NTRK3: variants seen among roughly 807,000 people sequenced by gnomAD.
NTRK3 encodes neurotrophic receptor tyrosine kinase 3, also known as NT-3 growth factor receptor.
Under a neutral mutation model 91.7 loss-of-function variants are expected in NTRK3, and 24 were observed. The ratio of observed to expected loss-of-function variants is 0.26; its 90% CI spans 0.19 to 0.37. The LOEUF is 0.37. Ranked by LOEUF, NTRK3 falls within the 10% of genes least tolerant of loss-of-function variation. The pLI, the probability that NTRK3 is intolerant of heterozygous loss-of-function variation, is 1.00. For missense variants in NTRK3, 880 were observed against 1,068.9 expected (o/e 0.82, Z 2.46); for synonymous variants, 483 against 404.0 (o/e 1.20, Z -2.34).
At chr15:87,899,096 A>G (rs2066302369) in intron 17 of NTRK3, among the ~76,000 whole-genome samples, 1 of 152,212 alleles carries the variant, frequency 6.6e-6, no homozygotes, top group South Asian at 2.1e-4. Context: ...AAGAGTTGTA[A>G]TGGTGTCAGT....
At chr15:88,184,610 T>C (rs140403990) in intron 3 of NTRK3, among the ~76,000 whole-genome samples, 200 of 152,368 alleles carry the variant, frequency 1.3e-3, no homozygotes, top group African/African-American at 4.7e-3. Flanking sequence ...TCCCTGCTTG[T>C]CTTCCTAACT....
At chr15:87,977,993 C>T (rs868021981) in intron 14 of NTRK3, 3 of 233,486 alleles carry the variant, frequency 1.3e-5, no homozygotes, top group Middle Eastern at 1.3e-3. Context: ...AAGCCCCCCA[C>T]AGGATGCTCC....
At chr15:87,887,678 CA>C (rs1302648498) in intron 17 of NTRK3, among the ~76,000 whole-genome samples, 1 of 152,162 alleles carries the variant, frequency 6.6e-6, no homozygotes, top group African/African-American at 2.4e-5. Flanking sequence ...AGGTAGTGGT[CA>C]AAGCCTTCCC....
intron 3 of NTRK3, among the ~76,000 whole-genome samples, chr15:88,215,364 GC>G (rs1278838611): frequency 6.6e-6 from 1 of 152,214 alleles, no homozygotes; most frequent in African/African-American, 2.4e-5. Flanking sequence ...GCCCCACCTG[GC>G]CCCAATAACT....
At chr15:88,108,891 C>A (rs984146716) in intron 13 of NTRK3, among the ~76,000 whole-genome samples, 4 of 152,208 alleles carry the variant, frequency 2.6e-5, no homozygotes, top group Non-Finnish European at 4.4e-5. Context: ...CAGGGCTCCA[C>A]GTGCACCATA....
chr15:88,036,172 A>G (rs1013990959), intron 13 of NTRK3, among the ~76,000 whole-genome samples: 3 of 152,208 alleles, frequency 2.0e-5, no homozygotes, highest in Non-Finnish European at 2.9e-5. Flanking sequence ...GTGCACAACT[A>G]TGAATGTATG....
intron 17 of NTRK3, among the ~76,000 whole-genome samples, chr15:87,891,525 C>A (rs766696130): frequency 3.9e-5 from 6 of 152,254 alleles, no homozygotes; most frequent in East Asian, 3.9e-4. Context: ...TACAGATAAC[C>A]ATTTCTGTTT....
chr15:87,865,451 T>A (rs1200534976), exon 19 of NTRK3: 1 of 214,496 alleles, frequency 4.7e-6, no homozygotes, highest in Non-Finnish European at 9.4e-6. Flanking sequence ...GGAATCCCAC[T>A]CACACGTATT....
At chr15:88,008,885 T>C (rs1047796740) in intron 14 of NTRK3, among the ~76,000 whole-genome samples, 3 of 152,168 alleles carry the variant, frequency 2.0e-5, no homozygotes, top group Non-Finnish European at 4.4e-5. Context: ...AGATTCCCTT[T>C]CCATTAGCAG....
At chr15:88,107,639 G>A (rs2050861026) in intron 13 of NTRK3, among the ~76,000 whole-genome samples, 1 of 151,966 alleles carries the variant, frequency 6.6e-6, no homozygotes, top group Non-Finnish European at 1.5e-5. Context: ...CCCATTCCTG[G>A]TCTCTCAAGA....
chr15:88,137,701 G>C, intron 6 of NTRK3, 140 bp from the exon 7 acceptor site: 4 of 845,374 alleles, frequency 4.7e-6, no homozygotes, highest in Admixed American at 5.2e-5. Context: ...AAAAGAAGTG[G>C]AAAAATCCTT....
rs559257523 is a variant in NTRK3, at chr15:88,078,865, G to C, written c.1397-45820C>G. Among the ~76,000 whole-genome samples, 56 of 152,378 alleles carry C rather than the reference G, an allele frequency of 3.7e-4. 1 individual carries two copies. In the South Asian group the frequency reaches 0.012, roughly 32 times the overall value. On this transcript the variant is annotated intron_variant, in intron 13 of 18. Coordinates refer to ENST00000394480, the Ensembl canonical transcript of NTRK3. ...AACAGCAAAAAGGCTGATGTGGCCA[G>C]AGTGGACGAGCACGGGGGAAAGTGG...
chr15:88,202,649 C>T, intron 3 of NTRK3, among the ~76,000 whole-genome samples: 1 of 152,196 alleles, frequency 6.6e-6, no homozygotes, highest in Non-Finnish European at 1.5e-5. Context: ...TCAGAGGCTG[C>T]CTGCAAGTTT....
intron 3 of NTRK3, among the ~76,000 whole-genome samples, chr15:88,242,807 G>A (rs1415975071): frequency 2.0e-5 from 3 of 152,216 alleles, no homozygotes; most frequent in Admixed American, 1.3e-4. Context: ...CAGGCGGCCA[G>A]ACACCTGGGC....
intron 14 of NTRK3, among the ~76,000 whole-genome samples, chr15:88,002,087 T>C (rs533900504): frequency 6.6e-6 from 1 of 151,994 alleles, no homozygotes; most frequent in African/African-American, 2.4e-5. Flanking sequence ...CTCTTCATCA[T>C]TGGAATTATT....
intron 17 of NTRK3, among the ~76,000 whole-genome samples, chr15:87,919,843 G>T (rs903791425): frequency 6.6e-6 from 1 of 152,140 alleles, no homozygotes; most frequent in Admixed American, 6.6e-5. Context: ...GGAAAAAACG[G>T]GGCTGAGATG....
At chr15:87,961,251 G>A (rs1294035097) in intron 14 of NTRK3, among the ~76,000 whole-genome samples, 2 of 152,152 alleles carry the variant, frequency 1.3e-5, no homozygotes, top group African/African-American at 4.8e-5. Context: ...CTGAATCACA[G>A]ACCAGGTTTG....
intron 3 of NTRK3, among the ~76,000 whole-genome samples, chr15:88,215,532 C>T (rs1279574786): frequency 2.0e-5 from 3 of 152,228 alleles, no homozygotes; most frequent in Non-Finnish European, 4.4e-5. Flanking sequence ...AAATCAAAAG[C>T]ATCAACAGGC....
At chr15:88,083,744 G>A (rs1302429661) in intron 13 of NTRK3, among the ~76,000 whole-genome samples, 1 of 152,200 alleles carries the variant, frequency 6.6e-6, no homozygotes, top group Non-Finnish European at 1.5e-5. Flanking sequence ...GCACAGGGGA[G>A]ATATATGAGG....
Sources: allele counts gnomAD v4.1 joint callset (sites outside exome capture counted in the v4.1 genomes callset), GRCh38; gene constraint gnomAD v4.1.1; transcripts MANE v1.5; gene names NCBI Gene and HGNC (gene_info 2026-07-23, HGNC 2026-07-21).